Variants in PDXK observed in about 807,000 individuals in gnomAD.
The protein encoded by PDXK is pyridoxal kinase.
In PDXK, 15 loss-of-function variants were observed where a neutral mutation model predicts 43.2. The observed-to-expected ratio is 0.35, with a 90% CI of 0.23 to 0.53. PDXK has a LOEUF of 0.53. PDXK is among the 20% of genes least tolerant of loss of function. The pLI is 0.92. For missense variants in PDXK, 343 were observed against 417.0 expected, an observed-to-expected ratio of 0.82 and a Z score of 1.54; for synonymous variants, 172 against 165.4, an observed-to-expected ratio of 1.04 and a Z score of -0.31.
rs376541440 is a variant in PDXK at position 43,750,543 on chromosome 21, C to T, written c.508C>T (p.Arg170Trp). The change falls in exon 7 of 11, where the codon CGG becomes TGG. Residue 170 changes from arginine (R) to tryptophan (W), a missense_variant and splice_region_variant. Physicochemically the swap from Arg to Trp is moderately radical, Grantham distance 101 (BLOSUM62 -3). Transcript: ENST00000291565. Reference sequence around the variant, plus strand: ...GATCCACAGCCAGGAGGAAGCCTTGCGGGTAAGGAGGCCCTCTGGGGCCTG... The same window carrying T: ...GATCCACAGCCAGGAGGAAGCCTTGTGGGTAAGGAGGCCCTCTGGGGCCTG... The part of the protein sequence containing the change: ...RKIHSQEEAL[R>W]VMDMLHSMGP... 6.7e-5 allele frequency: 108 copies of T among 1,612,360 alleles called. No individual in the cohort carries two copies. The highest frequency in any genetic ancestry group is 5.5e-4 in the Admixed American group (33 of 59,914).
At chr21:43,752,699 A>C in intron 8 of PDXK, 70 bp downstream of exon 8, 1 of 978,450 alleles carries the variant, frequency 1.0e-6, no homozygotes, top group Non-Finnish European at 1.6e-6. Flanking sequence ...TGGGGCTGCA[A>C]GAATGTTTTG....
At chr21:43,731,875 A>G (rs1198717861) in intron 1 of PDXK, among the ~76,000 whole-genome samples, 1 of 152,266 alleles carries the variant, frequency 6.6e-6, no homozygotes, top group Non-Finnish European at 1.5e-5. Flanking sequence ...GACCCCTGCC[A>G]GCATTGGCTC....
In PDXK at chr21:43,756,127, C is replaced by A; in HGVS notation, c.*64C>A. ...GTCTCCGTGTTTGTCCCTGTGAAAA[C>A]ATGTAACGTCTGCCTTAGAGCCATG... On this transcript the variant is annotated 3_prime_UTR_variant, in exon 11 of 11. Coordinates refer to ENST00000291565, the MANE Select transcript of PDXK (RefSeq NM_003681.5). 1.1e-6 allele frequency: 1 copy of A among 930,956 alleles called. No homozygotes were observed. Among genetic ancestry groups the A allele is most frequent in the Non-Finnish European group, 1.7e-6 (1 of 584,426 alleles). The allele number at this position is 930,956 out of a possible 1,614,324, so 57.7% of individuals were successfully genotyped here.
intron 1 of PDXK, among the ~76,000 whole-genome samples, chr21:43,728,178 T>C (rs926953228): frequency 4.6e-5 from 7 of 152,046 alleles, no homozygotes; most frequent in Non-Finnish European, 7.4e-5. Context: ...CTCGGGGCCA[T>C]TTCCACCAGA....
chr21:43,725,387 T>C (rs1278208645), intron 1 of PDXK, among the ~76,000 whole-genome samples: 1 of 152,118 alleles, frequency 6.6e-6, no homozygotes, highest in African/African-American at 2.4e-5. Context: ...ATTCCTAGGA[T>C]AGAAAGAGTC....
intron 4 of PDXK, among the ~76,000 whole-genome samples, chr21:43,744,973 G>A (rs4594536): frequency 0.32 from 48,415 of 152,120 alleles, 7,769 homozygotes; most frequent in East Asian, 0.49. Context: ...GATGGCGCTT[G>A]AGGACATGAT....
chr21:43,732,076 C>G lies in PDXK; in HGVS notation c.88-1993C>G. 5 of 1,070,260 alleles carry G rather than the reference C, an allele frequency of 4.7e-6. No individual in the cohort carries two copies. Among genetic ancestry groups the G allele is most frequent in the Non-Finnish European group, 5.9e-6 (5 of 847,902 alleles). 66.3% of individuals were successfully genotyped at this position (1,070,260 alleles called of 1,614,324 possible). A position where few individuals can be genotyped will look rare whatever the true frequency, so the allele number is the denominator to read the frequency against. On this transcript the variant is annotated intron_variant, in intron 1 of 10. Coordinates refer to ENST00000291565, the MANE Select transcript of PDXK (RefSeq NM_003681.5). The surrounding 1 kb of genome is among the most constrained non-coding windows in gnomAD (Gnocchi z 4.1). Reference sequence around the variant, plus strand: ...GAAGGGACGGTCACTACCGCTGCCCCTGTGGGGAGAAGAGCCCCGGGGGAA... The same window carrying G: ...GAAGGGACGGTCACTACCGCTGCCCGTGTGGGGAGAAGAGCCCCGGGGGAA...
chr21:43,758,719 T>C lies in PDXK; in HGVS notation c.*2656T>C, dbSNP rs2083890623. ...ATAACATGCAAAATAATGAGAAGAA[T>C]TTATTTTAAGGTGACAGCTATACTG... On this transcript the variant is annotated 3_prime_UTR_variant, in exon 11 of 11. Transcript: ENST00000291565. 1 of 152,742 alleles carries C rather than the reference T, an allele frequency of 6.5e-6. No individual in the cohort carries two copies. The highest frequency in any genetic ancestry group is 2.1e-4 in the South Asian group (1 of 4,832). The allele number at this position is 152,742 out of a possible 1,614,324, so 9.5% of individuals were successfully genotyped here.
chr21:43,750,544 G>T lies in PDXK; in HGVS notation c.509G>T (p.Arg170Leu). 2 of 1,612,590 alleles carry T rather than the reference G, an allele frequency of 1.2e-6. No homozygotes were observed. The highest frequency in any genetic ancestry group is 1.3e-5 in the African/African-American group (1 of 75,038). ...RKIHSQEEAL[R>L]VMDMLHSMGP... ...ATCCACAGCCAGGAGGAAGCCTTGC[G>T]GGTAAGGAGGCCCTCTGGGGCCTGT... The change falls in exon 7 of 11, where the codon CGG becomes CTG. Residue 170 changes from arginine to leucine, a missense_variant and splice_region_variant. Physicochemically the swap from Arg to Leu is moderately radical, Grantham distance 102. Transcript: ENST00000291565.
At chr21:43,740,495 G>A (rs2083478937) in intron 2 of PDXK, among the ~76,000 whole-genome samples, 1 of 152,038 alleles carries the variant, frequency 6.6e-6, no homozygotes, top group Non-Finnish European at 1.5e-5. Flanking sequence ...GGAGCCCCTC[G>A]ATGTGAGGCG....
chr21:43,735,660 T>TG lies in PDXK; in HGVS notation c.142+1543dup, dbSNP rs562139451. The stretch of plus-strand genomic sequence containing the variant: ...CCACTCCAGCCTCCTCCAGATGCCA[T>TG]GGGGGGCCTGCTGGTTTAGGACCCC... On this transcript the variant is annotated intron_variant, in intron 2 of 10. Transcript: ENST00000291565. This position sits in a 1 kb window ranked among gnomAD's most constrained non-coding sequence, Gnocchi z 5.3. Among the ~76,000 whole-genome samples the TG allele has an allele frequency of 9.1e-4, 138 of 152,140 alleles. No homozygotes were observed. The highest frequency in any genetic ancestry group is 3.1e-3 in the African/African-American group (128 of 41,520).
intron 3 of PDXK, 83 bp downstream of exon 3, chr21:43,741,854 G>A (rs1263304443): frequency 2.3e-6 from 2 of 878,634 alleles, no homozygotes; most frequent in Admixed American, 1.9e-5. Context: ...GAGCACCCCC[G>A]CCCTGGGCCT....
rs1234137576 is a variant in PDXK at position 43,757,041 on chromosome 21, A to C, written c.*978A>C. ...CATTTAACCCTTGTCCCCTGACCTC[A>C]GTTCTGTGCCCCACCAAATGCCCAG... On this transcript the variant is annotated 3_prime_UTR_variant, in exon 11 of 11. Transcript: ENST00000291565. 1 of 152,290 alleles carries C rather than the reference A, an allele frequency of 6.6e-6. No homozygotes were observed. The highest frequency in any genetic ancestry group is 1.5e-5 in the Non-Finnish European group (1 of 68,084). The allele number at this position is 152,290 out of a possible 1,614,324, so 9.4% of individuals were successfully genotyped here.
rs1031517187 is a variant in PDXK at position 43,754,395 on chromosome 21, G to A, written c.759+676G>A. On this transcript the variant is annotated intron_variant, in intron 9 of 10. Transcript: ENST00000291565. This position sits in a 1 kb window ranked among gnomAD's most constrained non-coding sequence, Gnocchi z 5.5. ...CCCATGGGTAAGCACACAGCTCAGC[G>A]GGGACAGAGGAGTTTTGTTGCAACT... Among the ~76,000 whole-genome samples, 5 of 152,176 alleles carry A rather than the reference G, an allele frequency of 3.3e-5. No individual in the cohort carries two copies. Among genetic ancestry groups the A allele is most frequent in the East Asian group, 1.9e-4 (1 of 5,186 alleles).
chr21:43,732,325 C>G lies in PDXK; in HGVS notation c.88-1744C>G. 1.2e-6 allele frequency: 2 copies of G among 1,605,006 alleles called. No homozygotes were observed. The highest frequency in any genetic ancestry group is 1.1e-5 in the South Asian group (1 of 90,418). Reference sequence around the variant, plus strand: ...CCCGTCCTGGACCTTGGCACCCCGCCCCCCGTGCATTGTCGTCTTCTGAGT... The same window carrying G: ...CCCGTCCTGGACCTTGGCACCCCGCGCCCCGTGCATTGTCGTCTTCTGAGT... On this transcript the variant is annotated intron_variant, in intron 1 of 10. Coordinates refer to ENST00000291565, the MANE Select transcript of PDXK (RefSeq NM_003681.5). This position sits in a 1 kb window ranked among gnomAD's most constrained non-coding sequence, Gnocchi z 4.1.
intron 2 of PDXK, among the ~76,000 whole-genome samples, chr21:43,739,314 C>A (rs1007669362): frequency 3.3e-5 from 5 of 152,196 alleles, no homozygotes; most frequent in African/African-American, 4.8e-5. Flanking sequence ...TGAGCCACCG[C>A]ACCCGGCCCC....
intron 1 of PDXK, among the ~76,000 whole-genome samples, chr21:43,725,280 G>A (rs1005247455): frequency 2.0e-5 from 3 of 151,972 alleles, no homozygotes; most frequent in African/African-American, 7.3e-5. Context: ...CCGAGATCGC[G>A]CCACTGCACT....
chr21:43,750,866 CTGTG>C (rs965036180), intron 7 of PDXK, among the ~76,000 whole-genome samples: 7 of 148,902 alleles, frequency 4.7e-5, no homozygotes, highest in Non-Finnish European at 7.4e-5. Flanking sequence ...GCATGTGCGT[CTGTG>C]TGCATGTGTG....
chr21:43,748,576 G>A (rs1209278350), intron 5 of PDXK: 1 of 165,506 alleles, frequency 6.0e-6, no homozygotes, highest in East Asian at 1.7e-4. Context: ...CAGCCAGGAA[G>A]AGCTGGCGGG....
Sources: gnomAD v4.1 joint callset for allele counts (sites outside exome capture counted in the v4.1 genomes callset) on GRCh38, gnomAD v4.1.1 for gene constraint, Gnocchi (gnomAD v3.1) non-coding constraint, MANE v1.5 for transcripts, NCBI Gene and HGNC (gene_info 2026-07-23, HGNC 2026-07-21) for gene names.